The following POMGNT1 variants were observed in gnomAD, a reference collection of about 807,000 sequenced individuals.
POMGNT1 encodes protein O-linked-mannose beta-1,2-N-acetylglucosaminyltransferase 1.
In POMGNT1, 67 loss-of-function variants were observed where a neutral mutation model predicts 95.6. The observed-to-expected ratio is 0.70, with a 90% CI of 0.58 to 0.86. POMGNT1 has a LOEUF of 0.86. Among genes scored for constraint, POMGNT1 ranks in the 40% least tolerant of loss-of-function variants. POMGNT1 has a pLI of 0.00. For synonymous variants in POMGNT1, 298 were observed against 317.9 expected, an observed-to-expected ratio of 0.94 and a Z score of 0.66; for missense variants, 719 against 855.2, an observed-to-expected ratio of 0.84 and a Z score of 1.99.
chr1:46,207,699 C>A (rs1168955198), intron 1 of POMGNT1, among the ~76,000 whole-genome samples: 1 of 150,776 alleles, frequency 6.6e-6, no homozygotes, highest in African/African-American at 2.4e-5. Context: ...CAAACACACC[C>A]AGCTAATTTT....
intron 6 of POMGNT1, chr1:46,195,506 A>G (rs1658159014): frequency 4.6e-6 from 2 of 434,156 alleles, no homozygotes; most frequent in Non-Finnish European, 8.6e-6. Context: ...ATCATTTACT[A>G]GCATTATCCA....
upstream of POMGNT1, chr1:46,203,396 G>A (rs750184706): frequency 1.5e-5 from 21 of 1,432,552 alleles, no homozygotes; most frequent in Non-Finnish European, 1.9e-5. Context: ...CCGGCGTCCG[G>A]TCGCCCAGCC....
At chr1:46,197,946 G>T (rs1398267987) in intron 1 of POMGNT1, 75 bp from the exon 2 acceptor site, 3 of 1,432,250 alleles carry the variant, frequency 2.1e-6, no homozygotes, top group Non-Finnish European at 2.9e-6. Context: ...GATGAGGGAG[G>T]ACCTCCCAGC....
At position 46,194,663 on chromosome 1, in the gene POMGNT1, C is replaced by G. The variant is rs1258635883; in HGVS notation, c.653-12G>C. 1 of 1,614,142 alleles carries G rather than the reference C, an allele frequency of 6.2e-7. No individual in the cohort carries two copies. Among genetic ancestry groups the G allele is most frequent in the Admixed American group, 1.7e-5 (1 of 60,012 alleles). The stretch of plus-strand genomic sequence containing the variant: ...CCCGAAGACAGGACCTGGCAGGAGG[C>G]AGGAATGAGGGCCATGGGGGCCCAG... On this transcript the variant is annotated splice_polypyrimidine_tract_variant and intron_variant, in intron 7 of 21. Transcript: ENST00000371984.
At chr1:46,190,882 C>A in intron 17 of POMGNT1, 98 bp from the exon 18 acceptor site, 1 of 1,158,084 alleles carries the variant, frequency 8.6e-7, no homozygotes, top group South Asian at 1.2e-5. Flanking sequence ...CAAATGAAGT[C>A]CTAGACCTGT....
chr1:46,219,045 C>G (rs992868150), intron 1 of POMGNT1, among the ~76,000 whole-genome samples: 6 of 152,080 alleles, frequency 3.9e-5, no homozygotes, highest in African/African-American at 1.4e-4. Context: ...GCCTGTAATT[C>G]CAGCACTTTG....
intron 17 of POMGNT1, chr1:46,191,631 G>A (rs1657772229): frequency 4.0e-6 from 1 of 248,684 alleles, no homozygotes; most frequent in Admixed American, 5.2e-5. Context: ...TGAGGTAGTA[G>A]TATTTTATCC....
intron 11 of POMGNT1, 61 bp downstream of exon 11, chr1:46,193,503 C>T: frequency 6.2e-7 from 1 of 1,613,820 alleles, no homozygotes; most frequent in Non-Finnish European, 8.5e-7. Context: ...TTGCCCGTCC[C>T]TGGCAATCAC....
Position 46,192,595 on chromosome 1 carries a change from G to C in POMGNT1, c.1212-5C>G. 6.2e-7 allele frequency: 1 copy of C among 1,613,918 alleles called. No individual in the cohort carries two copies. ...TGGATGGATTGGCTCAGGAAACTGA[G>C]AGAGGCAGGGTCAAAGAGTTCAGGG... is the stretch of plus-strand genomic sequence containing the variant. On this transcript the variant is annotated splice_polypyrimidine_tract_variant and splice_region_variant and intron_variant, in intron 14 of 21. Transcript: ENST00000371984.
At chr1:46,191,923 C>T (rs750071035) in intron 17 of POMGNT1, 175 bp downstream of exon 17, 159 of 1,075,866 alleles carry the variant, frequency 1.5e-4, no homozygotes, top group Non-Finnish European at 1.8e-4. Flanking sequence ...CGTGAGCCAC[C>T]GCGCCCAGCC....
intron 1 of POMGNT1, among the ~76,000 whole-genome samples, chr1:46,217,081 C>G (rs1450787475): frequency 6.6e-6 from 1 of 152,040 alleles, no homozygotes; most frequent in Non-Finnish European, 1.5e-5. Context: ...AACCATTCAC[C>G]CAAATGAAGG....
rs1244157163 is a variant in POMGNT1, at chr1:46,194,648, G to T, written c.656C>A (p.Pro219His). The change falls in exon 8 of 22, where the codon CCT (proline) becomes CAT (histidine). Residue 219 changes from proline to histidine, a missense_variant. Physicochemically the swap from Pro to His is moderately conservative, Grantham distance 77. This residue lies in a region of POMGNT1 where 466 missense variants were observed against 517.4 expected (regional missense o/e 0.90). Transcript: ENST00000371984. The stretch of plus-strand genomic sequence containing the variant: ...TTTAGAATGTTTCTCCCCGAAGACA[G>T]GACCTGGCAGGAGGCAGGAATGAGG... ...TWAFVGRKGGPVFGEKHSKSP... is the reference protein window; with the variant it reads ...TWAFVGRKGGHVFGEKHSKSP... 3 of 1,614,248 alleles carry T rather than the reference G, an allele frequency of 1.9e-6. No homozygotes were observed. The highest frequency in any genetic ancestry group is 2.5e-6 in the Non-Finnish European group (3 of 1,180,038).
chr1:46,206,456 G>A (rs1377163175), intron 1 of POMGNT1, among the ~76,000 whole-genome samples: 1 of 152,140 alleles, frequency 6.6e-6, no homozygotes, highest in Non-Finnish European at 1.5e-5. Context: ...AGAGAGTCTG[G>A]TATGTAGATG....
chr1:46,190,368 G>C, intron 19 of POMGNT1, 105 bp downstream of exon 19: 1 of 1,411,004 alleles, frequency 7.1e-7, no homozygotes. Flanking sequence ...TTTGAGATGA[G>C]GGCCCTGATT....
chr1:46,189,732 T>C, intron 20 of POMGNT1, 122 bp downstream of exon 20: 1 of 1,558,540 alleles, frequency 6.4e-7, no homozygotes, highest in Non-Finnish European at 8.7e-7. Context: ...GGAAGAGGTG[T>C]TCTAAGAGTA....
At position 46,189,038 on chromosome 1, in the gene POMGNT1, C is replaced by A. The variant is rs1364331772; in HGVS notation, c.*232G>T. ...AGCTGCTAGGGATCGTAATGATTCC[C>A]AGGTACTCTCCTGCCCTTCTCCAAC... On this transcript the variant is annotated 3_prime_UTR_variant, in exon 22 of 22. Coordinates refer to ENST00000371984, the MANE Select transcript of POMGNT1 (RefSeq NM_017739.4). The A allele has an allele frequency of 1.9e-6, 3 of 1,563,170 alleles. No individual in the cohort carries two copies. The highest frequency in any genetic ancestry group is 1.4e-5 in the African/African-American group (1 of 73,608).
intron 2 of POMGNT1, 129 bp downstream of exon 2, chr1:46,197,573 G>A: frequency 6.4e-7 from 1 of 1,566,672 alleles, no homozygotes; most frequent in East Asian, 2.2e-5. Flanking sequence ...ACACATAGAG[G>A]TCTCCCCTCT....
At chr1:46,219,427 A>G (rs1205789933) in intron 1 of POMGNT1, among the ~76,000 whole-genome samples, 2 of 152,196 alleles carry the variant, frequency 1.3e-5, no homozygotes, top group Non-Finnish European at 2.9e-5. Flanking sequence ...ACAGCATTTC[A>G]GAATCCTCAC....
intron 18 of POMGNT1, 45 bp downstream of exon 18, chr1:46,190,675 C>T (rs752503847): frequency 2.2e-5 from 34 of 1,574,276 alleles, no homozygotes; most frequent in Non-Finnish European, 2.1e-5. Context: ...GACTGGCCTC[C>T]AAATCTCCTA....
Sources: allele counts gnomAD v4.1 joint callset (sites outside exome capture counted in the v4.1 genomes callset), GRCh38; gene constraint gnomAD v4.1.1; regional missense constraint gnomAD v4.1.1; transcripts MANE v1.5; gene names NCBI Gene and HGNC (gene_info 2026-07-23, HGNC 2026-07-21).